Variants in MYO5B observed in about 807,000 individuals in gnomAD.
MYO5B encodes the protein myosin VB, also known as unconventional myosin-Vb.
MYO5B carries 143 observed loss-of-function variants against 229.3 expected under a neutral mutation model. The ratio of observed to expected loss-of-function variants is 0.62; its 90% CI spans 0.54 to 0.72. The LOEUF is 0.72. Among genes scored for constraint, MYO5B ranks in the 30% least tolerant of loss-of-function variants. The pLI, the probability that MYO5B is intolerant of heterozygous loss-of-function variation, is 0.00. For missense variants in MYO5B, 2,321 were observed against 2,331.0 expected, an observed-to-expected ratio of 1.00 and a Z score of 0.09; for synonymous variants, 918 against 885.2, an observed-to-expected ratio of 1.04 and a Z score of -0.66.
intron 10 of MYO5B, chr18:49,969,600 T>C (rs1343582777): frequency 6.6e-6 from 1 of 152,212 alleles, no homozygotes; most frequent in Non-Finnish European, 1.5e-5. Flanking sequence ...CAATTCTTTG[T>C]TCAAGACGCC....
At chr18:50,138,651 GA>G (rs762274716) in intron 1 of MYO5B, among the ~76,000 whole-genome samples, 4,284 of 133,746 alleles carry the variant, frequency 0.032, 169 homozygotes, top group African/African-American at 0.095. Context: ...TCTTGAGTCG[GA>G]AAAAAAAAAA....
At chr18:49,937,212 A>G in intron 15 of MYO5B, 33 bp downstream of exon 15, 1 of 1,613,288 alleles carries the variant, frequency 6.2e-7, no homozygotes, top group Non-Finnish European at 8.5e-7. Context: ...CTGCACATGC[A>G]CCTCAGCCCA....
intron 11 of MYO5B, among the ~76,000 whole-genome samples, chr18:49,962,710 A>T (rs1404882913): frequency 6.6e-6 from 1 of 151,386 alleles, no homozygotes; most frequent in Non-Finnish European, 1.5e-5. Context: ...CGCTCAAGGA[A>T]TGGGAGTCAA....
intron 26 of MYO5B, among the ~76,000 whole-genome samples, chr18:49,873,674 T>C (rs1260533365): frequency 2.6e-5 from 4 of 152,218 alleles, no homozygotes; most frequent in Non-Finnish European, 5.9e-5. Flanking sequence ...TTGAGTACAT[T>C]ACATTCTCAG....
At chr18:50,061,869 T>C (rs1190286693) in intron 1 of MYO5B, among the ~76,000 whole-genome samples, 1 of 152,244 alleles carries the variant, frequency 6.6e-6, no homozygotes, top group African/African-American at 2.4e-5. Context: ...CATCCCCTCC[T>C]ACTAACATAA....
chr18:49,883,765 G>A (rs1302367389), intron 22 of MYO5B, among the ~76,000 whole-genome samples: 1 of 152,144 alleles, frequency 6.6e-6, no homozygotes, highest in East Asian at 1.9e-4. Context: ...CGTGATACTG[G>A]CATAAAGACA....
chr18:49,916,281 C>T (rs1369959743), intron 17 of MYO5B, among the ~76,000 whole-genome samples: 1 of 152,232 alleles, frequency 6.6e-6, no homozygotes. Context: ...GAGTGAGGAG[C>T]TGTGGCTGCA....
Position 49,826,504 on chromosome 18 carries a change from C to T in MYO5B, c.5514G>A (p.Ala1838=), listed in dbSNP as rs1058541. 2.2e-5 allele frequency: 36 copies of T among 1,613,856 alleles called. No homozygotes were observed. The highest frequency in any genetic ancestry group is 6.7e-5 in the East Asian group (3 of 44,882). The change falls in exon 40 of 40, where the codon GCG becomes GCA. Residue 1838 remains alanine (A), a synonymous_variant. Transcript: ENST00000285039. ...SLTMDSIHIP[A]CLNLEFLNEV ...CATTGAGGAATTCCAGATTGAGACA[C>T]GCTGGGATGTGGATTGAGTCCATGG...
intron 4 of MYO5B, among the ~76,000 whole-genome samples, chr18:50,013,864 A>G (rs907043709): frequency 3.3e-5 from 5 of 152,178 alleles, no homozygotes; most frequent in African/African-American, 1.2e-4. Context: ...TTTCCCTGGC[A>G]GGACCCAGTG....
chr18:49,941,712 T>C (rs2025315590), intron 14 of MYO5B, among the ~76,000 whole-genome samples: 1 of 151,934 alleles, frequency 6.6e-6, no homozygotes, highest in Non-Finnish European at 1.5e-5. Context: ...TCCATGCTCA[T>C]GGGTAGGAAG....
chr18:50,091,468 C>T (rs1382764471), intron 1 of MYO5B, among the ~76,000 whole-genome samples: 2 of 152,196 alleles, frequency 1.3e-5, no homozygotes, highest in Non-Finnish European at 2.9e-5. Context: ...GATGGCACTT[C>T]ATAGTAATTA....
At chr18:50,116,803 C>A (rs1311076788) in intron 1 of MYO5B, among the ~76,000 whole-genome samples, 6 of 141,422 alleles carry the variant, frequency 4.2e-5, no homozygotes, top group African/African-American at 1.6e-4. Flanking sequence ...ACCTTCTGGG[C>A]AATTCTGATA....
At chr18:50,001,170 T>C in intron 5 of MYO5B, 85 bp downstream of exon 5, 1 of 1,568,460 alleles carries the variant, frequency 6.4e-7, no homozygotes. Context: ...GCGTGAAGGC[T>C]GCCACCCAGG....
intron 1 of MYO5B, among the ~76,000 whole-genome samples, chr18:50,065,917 G>A (rs560785199): frequency 1.3e-5 from 2 of 152,228 alleles, no homozygotes; most frequent in East Asian, 3.9e-4. Flanking sequence ...TCTGGGGCAT[G>A]AAGGAGGAGG....
intron 2 of MYO5B, among the ~76,000 whole-genome samples, chr18:50,043,350 A>T (rs9952593): frequency 1.2e-5 from 1 of 82,854 alleles, no homozygotes; most frequent in Non-Finnish European, 2.3e-5. Context: ...TATATTATAT[A>T]TAATATAAAT....
chr18:49,938,508 A>G (rs1006952189), intron 14 of MYO5B, among the ~76,000 whole-genome samples: 17 of 152,248 alleles, frequency 1.1e-4, no homozygotes, highest in African/African-American at 2.9e-4. Context: ...AGCAATTCCA[A>G]TCTCAACAGA....
At chr18:50,077,965 T>C (rs952829620) in intron 1 of MYO5B, among the ~76,000 whole-genome samples, 10 of 152,138 alleles carry the variant, frequency 6.6e-5, no homozygotes. Flanking sequence ...GGAAAAGACA[T>C]ATATTAGCAC....
At chr18:49,962,835 A>C in intron 11 of MYO5B, 114 bp downstream of exon 11, 2 of 900,760 alleles carry the variant, frequency 2.2e-6, no homozygotes, top group Non-Finnish European at 3.8e-6. Context: ...AAACCAAGGG[A>C]TATCAGAACG....
chr18:50,145,435 C>T (rs1310209430), intron 1 of MYO5B, among the ~76,000 whole-genome samples: 4 of 133,380 alleles, frequency 3.0e-5, no homozygotes, highest in South Asian at 2.3e-4. Flanking sequence ...TGCAGTGAGC[C>T]GAGATTGAGC....
Sources: allele counts gnomAD v4.1 joint callset (sites outside exome capture counted in the v4.1 genomes callset), GRCh38; gene constraint gnomAD v4.1.1; transcripts MANE v1.5; gene names NCBI Gene and HGNC (gene_info 2026-07-23, HGNC 2026-07-21).